Variants in IFT46 observed in about 807,000 individuals in gnomAD.
The protein encoded by IFT46 is intraflagellar transport protein 46 homolog.
IFT46 carries 19 observed loss-of-function variants against 39.6 expected under a neutral mutation model. The ratio of observed to expected loss-of-function variants is 0.48; its 90% CI spans 0.33 to 0.70. IFT46 has a LOEUF of 0.70. Ranked by LOEUF, IFT46 falls within the 30% of genes least tolerant of loss-of-function variation. The pLI, the probability that IFT46 is intolerant of heterozygous loss-of-function variation, is 0.01. For missense variants in IFT46, 334 were observed against 364.8 expected (o/e 0.92, Z 0.69); for synonymous variants, 117 against 134.8 (o/e 0.87, Z 0.91).
chr11:118,545,445 C>T lies in IFT46; in HGVS notation c.783G>A (p.Leu261=). 6.2e-7 allele frequency: 1 copy of T among 1,613,604 alleles called. No homozygotes were observed. The highest frequency in any genetic ancestry group is 8.5e-7 in the Non-Finnish European group (1 of 1,179,568). ...VYKSRIQSLH[L]LFSLYSEFKN... ...TGAATTCTGAGTAGAGGGAAAAGAG[C>T]AGATGGAGGGACTGGATCCGACTCT... is the stretch of plus-strand genomic sequence containing the variant. Residue 261 remains leucine, a synonymous_variant, in exon 11 of 12, where the codon CTG becomes CTA. Transcript: ENST00000264021.
chr11:118,545,778 G>GA lies in IFT46; in HGVS notation c.733+14dup, dbSNP rs1555066937. The GA allele has an allele frequency of 9.3e-6, 15 of 1,613,098 alleles. No homozygotes were observed. The highest frequency in any genetic ancestry group is 1.3e-5 in the African/African-American group (1 of 74,912). On this transcript the variant is annotated intron_variant, in intron 10 of 11. Coordinates refer to ENST00000264021, the MANE Select transcript of IFT46 (RefSeq NM_001168618.2). Reference sequence around the variant, plus strand: ...TATCCAGAGATGGGGACGAGGAAAGGAAAGAGGAACTCACCACAGATCATG... The same window carrying GA: ...TATCCAGAGATGGGGACGAGGAAAGGAAAAGAGGAACTCACCACAGATCATG...
intron 3 of IFT46, among the ~76,000 whole-genome samples, chr11:118,558,291 G>C (rs535481961): frequency 6.6e-6 from 1 of 152,308 alleles, no homozygotes; most frequent in African/African-American, 2.4e-5. Context: ...AGTTTTGGCA[G>C]AGGGAACTTT....
chr11:118,572,776 C>T (rs574042515), exon 1 of IFT46: 10 of 489,468 alleles, frequency 2.0e-5, no homozygotes, highest in African/African-American at 4.0e-5. Context: ...GCACCACCCC[C>T]CAACCAGCTG....
chr11:118,562,861 C>G (rs781915238), intron 2 of IFT46, among the ~76,000 whole-genome samples: 1 of 152,094 alleles, frequency 6.6e-6, no homozygotes, highest in African/African-American at 2.4e-5. Context: ...GTCAGGAGAT[C>G]GAGGCCATCC....
In IFT46 at chr11:118,556,909, TC is replaced by T; in HGVS notation, c.181del (p.Glu61LysfsTer32). 6.3e-7 allele frequency: 1 copy of T among 1,598,562 alleles called. No individual in the cohort carries two copies. Among genetic ancestry groups the T allele is most frequent in the South Asian group, 1.1e-5 (1 of 88,004 alleles). Reference sequence around the variant, plus strand: ...GGCTTGGGTGTTCTTTCCTCACCCTTCCAGAGGGGCTCCATGCTCTTCATCA... The same window carrying T: ...GGCTTGGGTGTTCTTTCCTCACCCTTCAGAGGGGCTCCATGCTCTTCATCA... ...DDDEEHGAPL[E>X]GAYDPADYEH... On this transcript the variant is annotated frameshift_variant, in exon 4 of 12. Transcript: ENST00000264021. LOFTEE classifies it high-confidence loss of function.
In IFT46 at chr11:118,555,138, T is replaced by C. The variant is rs1937786682; in HGVS notation, c.261-55A>G. 11 of 1,548,660 alleles carry C rather than the reference T, an allele frequency of 7.1e-6. No individual in the cohort carries two copies. In the South Asian group the frequency reaches 1.1e-4, roughly 16 times the overall value. Reference sequence around the variant, plus strand: ...ACAGTCAGAAAAAGTTACTTTACTATTCAGGCTAAAAAAAAATCTAAGGGG... The same window carrying C: ...ACAGTCAGAAAAAGTTACTTTACTACTCAGGCTAAAAAAAAATCTAAGGGG... On this transcript the variant is annotated intron_variant, in intron 5 of 11. Transcript: ENST00000264021.
chr11:118,566,701 T>A (rs1016529534), upstream of IFT46, among the ~76,000 whole-genome samples: 11 of 151,586 alleles, frequency 7.3e-5, no homozygotes, highest in East Asian at 1.9e-4. Flanking sequence ...TCAAAAAAAA[T>A]TTTTTTTCAC....
chr11:118,544,904 T>G lies in IFT46; in HGVS notation c.*12A>C, dbSNP rs1171696863. On this transcript the variant is annotated 3_prime_UTR_variant, in exon 12 of 12. Coordinates refer to ENST00000264021, the MANE Select transcript of IFT46 (RefSeq NM_001168618.2). Reference sequence around the variant, plus strand: ...GCCAGCTCAGCCTTGAAACAGCAGCTTGGGAAGTGTCTCAGCTGAAGGTTA... The same window carrying G: ...GCCAGCTCAGCCTTGAAACAGCAGCGTGGGAAGTGTCTCAGCTGAAGGTTA... 1 of 1,596,940 alleles carries G rather than the reference T, an allele frequency of 6.3e-7. No individual in the cohort carries two copies. Among genetic ancestry groups the G allele is most frequent in the Non-Finnish European group, 8.6e-7 (1 of 1,165,030 alleles).
At position 118,545,783 on chromosome 11, in the gene IFT46, A is replaced by G; in HGVS notation, c.733+10T>C. 3.1e-6 allele frequency: 5 copies of G among 1,613,676 alleles called. No homozygotes were observed. The highest frequency in any genetic ancestry group is 4.2e-6 in the Non-Finnish European group (5 of 1,179,542). On this transcript the variant is annotated intron_variant, in intron 10 of 11. Transcript: ENST00000264021. ...AGAGATGGGGACGAGGAAAGGAAAG[A>G]GGAACTCACCACAGATCATGTCAAT...
chr11:118,554,669 T>C (rs1166959716), intron 6 of IFT46, 82 bp from the exon 7 acceptor site: 2 of 1,405,246 alleles, frequency 1.4e-6, no homozygotes, highest in African/African-American at 2.9e-5. Context: ...TTCATCATTA[T>C]TACTAGTATT....
intron 3 of IFT46, among the ~76,000 whole-genome samples, chr11:118,558,808 C>G (rs1555070028): frequency 1.3e-5 from 2 of 151,490 alleles, no homozygotes. Flanking sequence ...CCCCCAGCTA[C>G]TCGGGAGGCT....
chr11:118,548,299 T>C (rs192087686), intron 9 of IFT46, among the ~76,000 whole-genome samples: 1 of 151,558 alleles, frequency 6.6e-6, no homozygotes, highest in East Asian at 1.9e-4. Flanking sequence ...ACTTTGTTTA[T>C]GGTGTCTATT....
chr11:118,545,761 G>C, intron 10 of IFT46, 32 bp downstream of exon 10: 1 of 1,603,712 alleles, frequency 6.2e-7, no homozygotes, highest in Non-Finnish European at 8.5e-7. Context: ...TCTATCCAGA[G>C]ATGGGGACGA....
intron 3 of IFT46, 38 bp from the exon 4 acceptor site, chr11:118,557,083 A>G: frequency 1.3e-6 from 2 of 1,518,956 alleles, no homozygotes; most frequent in South Asian, 2.7e-5. Context: ...AGCTTCAAGT[A>G]AAAAAATCAA....
At chr11:118,564,589 T>C (rs1378510645) in intron 2 of IFT46, among the ~76,000 whole-genome samples, 1 of 152,152 alleles carries the variant, frequency 6.6e-6, no homozygotes, top group Non-Finnish European at 1.5e-5. Context: ...TAAATAGTGT[T>C]CAGTCCTTTA....
intron 2 of IFT46, chr11:118,561,311 C>A: frequency 1.9e-6 from 2 of 1,072,072 alleles, no homozygotes; most frequent in Non-Finnish European, 2.9e-6. Context: ...AGATTACATG[C>A]ACTACTTAAC....
In IFT46 at chr11:118,545,465, G is replaced by C. The variant is rs782137705; in HGVS notation, c.763C>G (p.Arg255Gly). Residue 255 changes from arginine to glycine, a missense_variant, in exon 11 of 12, where the codon CGG becomes GGG. By Grantham distance (125) the Arg-to-Gly change is moderately radical. Coordinates refer to ENST00000264021, the MANE Select transcript of IFT46 (RefSeq NM_001168618.2). ...AILDIPVYKS[R>G]IQSLHLLFSL... ...AAGAGCAGATGGAGGGACTGGATCCGACTCTTGTAGACAGGGATGTCTAGA... is the reference window on the plus strand; with the variant it reads ...AAGAGCAGATGGAGGGACTGGATCCCACTCTTGTAGACAGGGATGTCTAGA... 6.2e-7 allele frequency: 1 copy of C among 1,613,556 alleles called. No homozygotes were observed. Among genetic ancestry groups the C allele is most frequent in the South Asian group, 1.1e-5 (1 of 91,050 alleles).
At chr11:118,565,675 G>C (rs1324387907) in intron 1 of IFT46, 115 bp downstream of exon 1, 1 of 152,740 alleles carries the variant, frequency 6.5e-6, no homozygotes, top group Non-Finnish European at 1.5e-5. Flanking sequence ...GTGAGGTGAC[G>C]AAGGAACAGT....
chr11:118,553,143 T>C (rs1458274345), intron 7 of IFT46, among the ~76,000 whole-genome samples: 3 of 151,472 alleles, frequency 2.0e-5, no homozygotes, highest in South Asian at 2.1e-4. Flanking sequence ...GGACTGACCA[T>C]AATGAAATAC....
Sources: gnomAD v4.1 joint callset for allele counts (sites outside exome capture counted in the v4.1 genomes callset) on GRCh38, gnomAD v4.1.1 for gene constraint, MANE v1.5 for transcripts, NCBI Gene and HGNC (gene_info 2026-07-23, HGNC 2026-07-21) for gene names.